The following SH3KBP1 variants were observed in gnomAD, a reference collection of about 807,000 sequenced individuals.
SH3KBP1 encodes SH3 domain containing kinase binding protein 1, also known as SH3 domain-containing kinase-binding protein 1.
A neutral mutation model predicts 50.1 loss-of-function variants in SH3KBP1; 8 were observed. The ratio of observed to expected loss-of-function variants is 0.16; its 90% CI spans 0.09 to 0.29. The LOEUF is 0.29. Ranked by LOEUF, SH3KBP1 falls within the 10% of genes least tolerant of loss-of-function variation. The probability of loss-of-function intolerance (pLI) is 1.00; values close to 1 mark genes in which losing one functional copy is unlikely to be tolerated. For missense variants in SH3KBP1, 377 were observed against 535.2 expected, an observed-to-expected ratio of 0.70 and a Z score of 2.92; for synonymous variants, 227 against 218.6, an observed-to-expected ratio of 1.04 and a Z score of -0.34.
rs746501754 is a variant in SH3KBP1, at chrX:19,812,241, C to T, written c.162+23884G>A. Among the ~76,000 whole-genome samples the T allele has an allele frequency of 3.6e-5, 4 of 111,434 alleles. No homozygotes were observed. The South Asian group carries it at 1.5e-3, about 41-fold the overall frequency. On this transcript the variant is annotated intron_variant, in intron 2 of 17. Transcript: ENST00000397821. ...CAAAATAGACAGCTAAGAGCAAAAA[C>T]GGGCTGACTTCATACACCTCATTCC...
intron 2 of SH3KBP1, among the ~76,000 whole-genome samples, chrX:19,784,492 T>C (rs2066276539): frequency 8.9e-6 from 1 of 112,188 alleles, no homozygotes; most frequent in African/African-American, 3.2e-5. Context: ...GGTGACCACC[T>C]CTGGGTATCA....
chrX:19,662,556 G>A lies in SH3KBP1; in HGVS notation c.727-17081C>T, dbSNP rs762819815. 1.9e-4 allele frequency among the ~76,000 whole-genome samples: 21 copies of A among 111,664 alleles called. 1 individual carries two copies. Among genetic ancestry groups the A allele is most frequent in the Middle Eastern group, 9.3e-3 (2 of 214 alleles). On this transcript the variant is annotated intron_variant, in intron 6 of 17. Transcript: ENST00000397821. ...TTCTAGCAGTTCTCTAGTTCTTCATGAGTAAAAATTCTTTTGAAACACAAA... is the reference window on the plus strand; with the variant it reads ...TTCTAGCAGTTCTCTAGTTCTTCATAAGTAAAAATTCTTTTGAAACACAAA...
chrX:19,802,927 C>T (rs892278049), intron 2 of SH3KBP1, among the ~76,000 whole-genome samples: 16 of 111,544 alleles, frequency 1.4e-4, no homozygotes, highest in Non-Finnish European at 2.8e-4. Context: ...ACCAATCTCT[C>T]CCACAGGGCA....
chrX:19,874,048 CAAAAAA>C (rs55948760), intron 1 of SH3KBP1, among the ~76,000 whole-genome samples: 1 of 26,292 alleles, frequency 3.8e-5, no homozygotes, highest in South Asian at 2.1e-3. Context: ...GAGTCCATCT[CAAAAAA>C]AAAAAAAAAA....
At chrX:19,626,472 A>G (rs1211070130) in intron 8 of SH3KBP1, among the ~76,000 whole-genome samples, 2 of 111,965 alleles carry the variant, frequency 1.8e-5, no homozygotes, top group African/African-American at 6.5e-5. Context: ...TGTTGTCAAT[A>G]ATCTTCAGTG....
At chrX:19,853,834 C>T (rs766577898) in intron 1 of SH3KBP1, among the ~76,000 whole-genome samples, 80 of 109,729 alleles carry the variant, frequency 7.3e-4, no homozygotes, top group African/African-American at 2.5e-3. Flanking sequence ...TGGTGGTGGG[C>T]GCCTGTAGTC....
At chrX:19,808,412 A>G (rs758760708) in intron 2 of SH3KBP1, among the ~76,000 whole-genome samples, 2 of 110,371 alleles carry the variant, frequency 1.8e-5, no homozygotes, top group Non-Finnish European at 3.8e-5. Flanking sequence ...TTAATTCACC[A>G]GGGCCCTCAG....
At chrX:19,649,754 T>C (rs2062079717) in intron 6 of SH3KBP1, among the ~76,000 whole-genome samples, 3 of 111,653 alleles carry the variant, frequency 2.7e-5, no homozygotes, top group African/African-American at 9.8e-5. Context: ...ATAACCACCA[T>C]ATGATTTCAG....
chrX:19,646,853 A>C (rs1353168155), intron 6 of SH3KBP1, among the ~76,000 whole-genome samples: 1 of 111,478 alleles, frequency 9.0e-6, no homozygotes, highest in African/African-American at 3.3e-5. Context: ...GGCCTTCTGT[A>C]TTGGATAAAA....
At chrX:19,550,269 T>A (rs932551144) in intron 13 of SH3KBP1, among the ~76,000 whole-genome samples, 186 bp from the exon 14 acceptor site, 6 of 111,892 alleles carry the variant, frequency 5.4e-5, no homozygotes, top group African/African-American at 1.9e-4. Flanking sequence ...AATAATCATG[T>A]CCTTCTTAGT....
At chrX:19,731,314 C>T (rs2064370442) in intron 3 of SH3KBP1, among the ~76,000 whole-genome samples, 1 of 112,576 alleles carries the variant, frequency 8.9e-6, no homozygotes, top group African/African-American at 3.2e-5. Context: ...GAAATTGAAA[C>T]CTTCCCTTGT....
At chrX:19,833,185 G>A (rs1388917001) in intron 2 of SH3KBP1, among the ~76,000 whole-genome samples, 1 of 105,591 alleles carries the variant, frequency 9.5e-6, no homozygotes, top group Non-Finnish European at 2.0e-5. Context: ...CCTTCCCACA[G>A]TCCTCCCTCC....
rs149635187 is a variant in SH3KBP1 at position 19,837,942 on chromosome X, C to T, written c.5-1660G>A. Among the ~76,000 whole-genome samples the T allele has an allele frequency of 8.5e-3, 941 of 111,322 alleles. 13 individuals carry two copies. The highest frequency in any genetic ancestry group is 0.029 in the African/African-American group (888 of 30,546). On this transcript the variant is annotated intron_variant, in intron 1 of 17. Transcript: ENST00000397821. ...AAATTAACTCAAAATAGTTCACAGA[C>T]CTAAGTGTAAGAGCTAAAATTGTAA...
chrX:19,582,068 C>T (rs1269807854), intron 12 of SH3KBP1, among the ~76,000 whole-genome samples: 1 of 111,429 alleles, frequency 9.0e-6, no homozygotes, highest in African/African-American at 3.3e-5. Context: ...TGCCTATCTT[C>T]GAAAGCAATT....
chrX:19,770,442 C>T (rs1212719846), intron 2 of SH3KBP1, among the ~76,000 whole-genome samples: 1 of 112,139 alleles, frequency 8.9e-6, no homozygotes, highest in African/African-American at 3.2e-5. Context: ...CAATCTATCA[C>T]TAATGGGCAT....
chrX:19,881,810 G>T (rs1282044273), intron 1 of SH3KBP1, among the ~76,000 whole-genome samples: 1 of 111,855 alleles, frequency 8.9e-6, no homozygotes, highest in Non-Finnish European at 1.9e-5. Context: ...GACTGTAGGA[G>T]AAATCAGGAA....
At chrX:19,794,410 GATAA>G (rs1267171621) in intron 2 of SH3KBP1, among the ~76,000 whole-genome samples, 2 of 108,853 alleles carry the variant, frequency 1.8e-5, no homozygotes. Flanking sequence ...TCAATAAATA[GATAA>G]ATAAATAGGC....
At chrX:19,850,915 C>T (rs2068490444) in intron 1 of SH3KBP1, among the ~76,000 whole-genome samples, 1 of 110,207 alleles carries the variant, frequency 9.1e-6, no homozygotes, top group South Asian at 4.0e-4. Context: ...CACTCACATG[C>T]ATGGGATGGT....
chrX:19,587,326 G>A (rs1287355019), intron 12 of SH3KBP1, among the ~76,000 whole-genome samples: 1 of 110,979 alleles, frequency 9.0e-6, no homozygotes, highest in Non-Finnish European at 1.9e-5. Flanking sequence ...CGGCTGCCAG[G>A]GGCTGGGAGA....
Sources: gnomAD v4.1 joint callset for allele counts (sites outside exome capture counted in the v4.1 genomes callset) on GRCh38, gnomAD v4.1.1 for gene constraint, MANE v1.5 for transcripts, NCBI Gene and HGNC (gene_info 2026-07-23, HGNC 2026-07-21) for gene names.